The following DIS3L2 variants were observed in gnomAD, a reference collection of about 807,000 sequenced individuals.
The protein encoded by DIS3L2 is DIS3 like 3'-5' exoribonuclease 2.
Under a neutral mutation model 97.5 loss-of-function variants are expected in DIS3L2, and 34 were observed. That is an observed-to-expected ratio of 0.35 (90% CI 0.27 to 0.46). The LOEUF (loss-of-function observed/expected upper bound fraction) is 0.46. Among genes scored for constraint, DIS3L2 ranks in the 20% least tolerant of loss-of-function variants. The probability of loss-of-function intolerance (pLI) is 1.00; values close to 1 mark genes in which losing one functional copy is unlikely to be tolerated. For missense variants in DIS3L2, 1,038 were observed against 1,146.0 expected (o/e 0.91, Z 1.36); for synonymous variants, 435 against 445.2 (o/e 0.98, Z 0.29).
intron 13 of DIS3L2, among the ~76,000 whole-genome samples, chr2:232,298,525 C>T (rs189275684): frequency 3.7e-3 from 561 of 152,220 alleles, no homozygotes; most frequent in Non-Finnish European, 4.0e-3. Flanking sequence ...GAAGTTCTGG[C>T]TTCATGATGG....
At chr2:232,154,814 T>C (rs1473489901) in intron 8 of DIS3L2, among the ~76,000 whole-genome samples, 1 of 130,248 alleles carries the variant, frequency 7.7e-6, no homozygotes, top group African/African-American at 2.8e-5. Flanking sequence ...CGTTGCCGCC[T>C]TGCAGTTTGA....
At chr2:232,088,988 G>T (rs1696752260) in intron 6 of DIS3L2, among the ~76,000 whole-genome samples, 1 of 152,160 alleles carries the variant, frequency 6.6e-6, no homozygotes, top group Non-Finnish European at 1.5e-5. Context: ...CCCATGAAAG[G>T]CTAGGAGAAA....
intron 8 of DIS3L2, among the ~76,000 whole-genome samples, chr2:232,154,952 A>T (rs1017756180): frequency 8.0e-5 from 10 of 125,008 alleles, no homozygotes; most frequent in African/African-American, 3.2e-4. Flanking sequence ...TTCGGGTGGG[A>T]GTGACCCGAT....
At chr2:232,336,095 G>A (rs1397775009) in intron 20 of DIS3L2, 1 of 1,543,936 alleles carries the variant, frequency 6.5e-7, no homozygotes, top group African/African-American at 1.4e-5. Flanking sequence ...GTGGAGAGAG[G>A]AGGGGCTCTG....
intron 9 of DIS3L2, among the ~76,000 whole-genome samples, chr2:232,166,125 G>T (rs1256704433): frequency 1.5e-5 from 2 of 132,088 alleles, no homozygotes; most frequent in Admixed American, 7.6e-5. Context: ...TAAAATATTA[G>T]CCAGGCACAG....
At chr2:232,239,624 A>G (rs975066234) in intron 11 of DIS3L2, among the ~76,000 whole-genome samples, 1 of 152,182 alleles carries the variant, frequency 6.6e-6, no homozygotes, top group Non-Finnish European at 1.5e-5. Flanking sequence ...GCCCTAGGAC[A>G]TGATTCTGGT....
At chr2:232,074,390 C>G (rs1016655897) in intron 5 of DIS3L2, among the ~76,000 whole-genome samples, 1 of 152,016 alleles carries the variant, frequency 6.6e-6, no homozygotes, top group Non-Finnish European at 1.5e-5. Flanking sequence ...ACAGCTGATT[C>G]AAGTCTTTCT....
intron 1 of DIS3L2, among the ~76,000 whole-genome samples, chr2:231,989,696 TGTG>T (rs1693530670): frequency 6.6e-6 from 1 of 151,788 alleles, no homozygotes; most frequent in South Asian, 2.1e-4. Flanking sequence ...ATTAGTGGGG[TGTG>T]GTGGTATACG....
At chr2:232,169,278 C>T (rs776609159) in intron 9 of DIS3L2, among the ~76,000 whole-genome samples, 1 of 151,732 alleles carries the variant, frequency 6.6e-6, no homozygotes, top group Admixed American at 6.6e-5. Flanking sequence ...AAAATCAAAC[C>T]TTTTTCAAAC....
chr2:232,099,266 A>G (rs1697125244), intron 6 of DIS3L2, among the ~76,000 whole-genome samples: 1 of 151,722 alleles, frequency 6.6e-6, no homozygotes, highest in Non-Finnish European at 1.5e-5. Context: ...CCCAGGCTAG[A>G]GTGTAGTCAC....
chr2:232,263,448 C>T lies in DIS3L2; in HGVS notation c.1659+8C>T, dbSNP rs780562553. On this transcript the variant is annotated splice_region_variant and intron_variant, in intron 13 of 20. Transcript: ENST00000325385. ...GCACTTCGTTTGGATCAGGTCAGTA[C>T]GTGTTTTTTTAGTGTAGCCAACAGA... is the stretch of plus-strand genomic sequence containing the variant. 31 of 1,613,830 alleles carry T rather than the reference C, an allele frequency of 1.9e-5. No individual in the cohort carries two copies. The highest frequency in any genetic ancestry group is 4.5e-5 in the East Asian group (2 of 44,876).
At position 232,223,767 on chromosome 2, in the gene DIS3L2, A is replaced by G. The variant is rs150868946; in HGVS notation, c.1204+13362A>G. Among the ~76,000 whole-genome samples, 423 of 152,336 alleles carry G rather than the reference A, an allele frequency of 2.8e-3. 2 individuals are homozygous for G. Among genetic ancestry groups the G allele is most frequent in the Middle Eastern group, 0.014 (4 of 294 alleles). On this transcript the variant is annotated intron_variant, in intron 10 of 20. Transcript: ENST00000325385. ...CTAGACAAAAAGTAAGTGTTTAGTG[A>G]AAGTTATTATTAATATAAAATTAGA...
At chr2:232,252,187 C>T (rs1255161059) in intron 12 of DIS3L2, among the ~76,000 whole-genome samples, 1 of 152,140 alleles carries the variant, frequency 6.6e-6, no homozygotes. Flanking sequence ...GCAGGTAGAT[C>T]GCTTGAGGTC....
intron 16 of DIS3L2, among the ~76,000 whole-genome samples, chr2:232,332,817 G>A (rs1440147822): frequency 6.6e-5 from 10 of 152,198 alleles, no homozygotes; most frequent in South Asian, 2.1e-4. Flanking sequence ...CGGGTGAAGC[G>A]TGGCTTCAGC....
chr2:232,242,955 A>G (rs185117829), intron 11 of DIS3L2, among the ~76,000 whole-genome samples: 69 of 152,250 alleles, frequency 4.5e-4, no homozygotes, highest in Admixed American at 2.4e-3. Context: ...TGTTCGAGGG[A>G]TGTAAAGATG....
At chr2:232,229,169 C>T (rs1478574535) in intron 10 of DIS3L2, among the ~76,000 whole-genome samples, 4 of 152,050 alleles carry the variant, frequency 2.6e-5, no homozygotes, top group Non-Finnish European at 5.9e-5. Flanking sequence ...TTCTTGGCTT[C>T]AGTCCTGCCT....
intron 10 of DIS3L2, among the ~76,000 whole-genome samples, chr2:232,228,002 T>A (rs546760164): frequency 6.6e-6 from 1 of 152,316 alleles, no homozygotes; most frequent in South Asian, 2.1e-4. Context: ...AGTTTTGCTC[T>A]TGTTGCCCAG....
intron 6 of DIS3L2, among the ~76,000 whole-genome samples, chr2:232,088,561 C>T (rs1235842619): frequency 8.1e-6 from 1 of 122,700 alleles, no homozygotes; most frequent in Non-Finnish European, 1.7e-5. Flanking sequence ...GACTCCGTCT[C>T]AAAAAAAAAA....
At chr2:232,314,063 C>T (rs1695205993) in intron 14 of DIS3L2, among the ~76,000 whole-genome samples, 1 of 152,144 alleles carries the variant, frequency 6.6e-6, no homozygotes. Flanking sequence ...ATGACACTAT[C>T]ACCTGCCCCA....
Sources: allele counts gnomAD v4.1 joint callset (sites outside exome capture counted in the v4.1 genomes callset), GRCh38; gene constraint gnomAD v4.1.1; transcripts MANE v1.5; gene names NCBI Gene and HGNC (gene_info 2026-07-23, HGNC 2026-07-21).